IDO2: variants seen among roughly 807,000 people sequenced by gnomAD.
IDO2 encodes the protein indoleamine 2,3-dioxygenase-like 1 protein.
IDO2 carries 46 observed loss-of-function variants against 45.1 expected under a neutral mutation model. The ratio of observed to expected loss-of-function variants is 1.02; its 90% confidence interval spans 0.80 to 1.30. The LOEUF is 1.30. IDO2 is among the 50% of genes most tolerant of loss of function. The pLI is 0.00. For missense variants in IDO2, 544 were observed against 491.8 expected (o/e 1.11, Z -1.00); for synonymous variants, 218 against 184.9 (o/e 1.18, Z -1.45).
intron 8 of IDO2, among the ~76,000 whole-genome samples, chr8:40,002,533 G>A (rs979177091): frequency 2.6e-5 from 4 of 152,142 alleles, no homozygotes; most frequent in Non-Finnish European, 5.9e-5. Context: ...GGTGGCTCAC[G>A]CCTGTAATCC....
rs71220803 is a variant in IDO2 at position 39,951,275 on chromosome 8, A to ATTTT, written c.99+2024_99+2027dup. Among the ~76,000 whole-genome samples the ATTTT allele has an allele frequency of 4.4e-5, 6 of 136,028 alleles. 1 individual carries two copies. Among genetic ancestry groups the ATTTT allele is most frequent in the Non-Finnish European group, 6.2e-5 (4 of 64,786 alleles). The allele number at this position is 136,028 out of a possible 152,430, so 89.2% of individuals were successfully genotyped here. ...AATGACTGCAACATCGGACCCCAAGATTTTTTTTTTTTTTTTCTGAGATAG... is the reference window on the plus strand; with the variant it reads ...AATGACTGCAACATCGGACCCCAAGATTTTTTTTTTTTTTTTTTTTCTGAGATAG... On this transcript the variant is annotated intron_variant, in intron 2 of 10. Coordinates refer to ENST00000502986, the Ensembl canonical transcript of IDO2.
At chr8:39,949,309 G>A in intron 2 of IDO2, 45 bp downstream of exon 2, 1 of 1,441,336 alleles carries the variant, frequency 6.9e-7, no homozygotes. Context: ...TATGTTTCTT[G>A]AGATGTTGGT....
intron 2 of IDO2, among the ~76,000 whole-genome samples, chr8:39,960,973 C>T (rs1398005779): frequency 1.3e-4 from 20 of 152,012 alleles, no homozygotes; most frequent in African/African-American, 4.3e-4. Flanking sequence ...TTAGTAGAGA[C>T]GGGGTTTCAC....
intron 1 of IDO2, among the ~76,000 whole-genome samples, chr8:39,938,249 T>G (rs1807587359): frequency 6.6e-6 from 1 of 151,536 alleles, no homozygotes; most frequent in Non-Finnish European, 1.5e-5. Context: ...TTGAAATCAG[T>G]GAGGGCAACA....
chr8:39,983,948 T>C (rs1023309559), intron 5 of IDO2, among the ~76,000 whole-genome samples: 1 of 152,010 alleles, frequency 6.6e-6, no homozygotes, highest in African/African-American at 2.4e-5. Flanking sequence ...GAGTTTTATG[T>C]TTTCTGCAAT....
intron 2 of IDO2, among the ~76,000 whole-genome samples, chr8:39,961,036 G>A (rs1807988253): frequency 6.6e-6 from 1 of 152,164 alleles, no homozygotes; most frequent in African/African-American, 2.4e-5. Flanking sequence ...GCCTGCATTG[G>A]CCTCCCAAAG....
At chr8:39,973,919 T>G (rs1260208875) in intron 3 of IDO2, among the ~76,000 whole-genome samples, 2 of 152,014 alleles carry the variant, frequency 1.3e-5, no homozygotes, top group African/African-American at 2.4e-5. Context: ...TTTTTTATAT[T>G]TTTGGTAGAG....
At chr8:39,994,318 C>T (rs1049480964) in intron 8 of IDO2, among the ~76,000 whole-genome samples, 20 of 150,344 alleles carry the variant, frequency 1.3e-4, no homozygotes, top group East Asian at 9.8e-4. Context: ...GGTGCGATGG[C>T]GCCATCTCGG....
chr8:40,000,190 G>A (rs1261710279), intron 8 of IDO2, among the ~76,000 whole-genome samples: 1 of 152,080 alleles, frequency 6.6e-6, no homozygotes, highest in Non-Finnish European at 1.5e-5. Context: ...GAGGTGGTCG[G>A]ATCATGAGGT....
At chr8:39,985,391 T>C (rs1808408526) in intron 5 of IDO2, 117 bp from the exon 6 acceptor site, 1 of 841,546 alleles carries the variant, frequency 1.2e-6, no homozygotes, top group Non-Finnish European at 1.9e-6. Context: ...TGCACACAAG[T>C]GTGCATGCCT....
At chr8:40,001,953 T>G (rs565790297) in intron 8 of IDO2, among the ~76,000 whole-genome samples, 3 of 152,028 alleles carry the variant, frequency 2.0e-5, no homozygotes, top group Non-Finnish European at 4.4e-5. Flanking sequence ...ACCAGTCTAA[T>G]TTTTGTATTT....
intron 1 of IDO2, 29 bp from the exon 2 acceptor site, chr8:39,949,120 T>C: frequency 6.4e-7 from 1 of 1,570,868 alleles, no homozygotes; most frequent in East Asian, 2.3e-5. Context: ...TTAGGAACAA[T>C]TGATTCTTCA....
chr8:40,012,577 T>A (rs1802324194), intron 9 of IDO2, among the ~76,000 whole-genome samples: 1 of 152,234 alleles, frequency 6.6e-6, no homozygotes, highest in Non-Finnish European at 1.5e-5. Flanking sequence ...GACATGAACT[T>A]GTTTTGGACA....
chr8:40,012,558 T>C (rs764749984), intron 9 of IDO2, among the ~76,000 whole-genome samples: 4 of 152,176 alleles, frequency 2.6e-5, no homozygotes, highest in African/African-American at 4.8e-5. Flanking sequence ...GCATGGTAGG[T>C]GCAAATGTGA....
chr8:39,942,979 T>G (rs993463801), intron 1 of IDO2, among the ~76,000 whole-genome samples: 2 of 152,218 alleles, frequency 1.3e-5, no homozygotes, highest in South Asian at 4.1e-4. Flanking sequence ...CAATTAAACA[T>G]GCAGAGTCTG....
intron 3 of IDO2, among the ~76,000 whole-genome samples, chr8:39,974,882 C>T (rs146111051): frequency 2.8e-3 from 425 of 151,296 alleles, no homozygotes; most frequent in African/African-American, 9.5e-3. Flanking sequence ...GATTGCACGA[C>T]GGCACTCCAG....
intron 3 of IDO2, among the ~76,000 whole-genome samples, chr8:39,970,715 T>C (rs1016881992): frequency 2.0e-5 from 3 of 151,420 alleles, no homozygotes; most frequent in African/African-American, 7.3e-5. Flanking sequence ...AAAATAGGTG[T>C]TCAATGCAGA....
chr8:39,992,907 C>T (rs994970669), intron 8 of IDO2, among the ~76,000 whole-genome samples: 1 of 152,134 alleles, frequency 6.6e-6, no homozygotes, highest in Non-Finnish European at 1.5e-5. Flanking sequence ...TTTGGAGAGC[C>T]ACCCTCCTGG....
At chr8:39,976,003 G>A (rs1263846891) in intron 3 of IDO2, among the ~76,000 whole-genome samples, 1 of 151,940 alleles carries the variant, frequency 6.6e-6, no homozygotes, top group African/African-American at 2.4e-5. Context: ...ATTTTGAGAT[G>A]GTGTCTCACT....
Sources: gnomAD v4.1 joint callset for allele counts (sites outside exome capture counted in the v4.1 genomes callset) on GRCh38, gnomAD v4.1.1 for gene constraint, MANE v1.5 for transcripts, NCBI Gene and HGNC (gene_info 2026-07-23, HGNC 2026-07-21) for gene names.